Variants in KAT2B observed in about 807,000 individuals in gnomAD.
KAT2B encodes the protein histone acetyltransferase KAT2B.
Under a neutral mutation model 105.9 loss-of-function variants are expected in KAT2B, and 36 were observed. The observed-to-expected ratio is 0.34, with a 90% CI of 0.26 to 0.45. The LOEUF is 0.45. KAT2B is among the 20% of genes least tolerant of loss of function. The probability of loss-of-function intolerance (pLI) is 1.00; values close to 1 mark genes in which losing one functional copy is unlikely to be tolerated. For missense variants in KAT2B, 820 were observed against 1,021.6 expected, an observed-to-expected ratio of 0.80 and a Z score of 2.69; for synonymous variants, 397 against 377.9, an observed-to-expected ratio of 1.05 and a Z score of -0.59.
At position 20,136,999 on chromosome 3, in the gene KAT2B, C is replaced by T; in HGVS notation, c.1807C>T (p.Leu603=). The change falls in exon 12 of 18, where the codon CTG becomes TTG. Residue 603 remains leucine, a synonymous_variant. Transcript: ENST00000263754. ...LKEYHIKHDI[L]NFLTYADEYA... is the part of the protein sequence containing the mutation. ...AGAATATCACATAAAGCATGACATC[C>T]TGAACTTCCTCACATATGCAGATGA... is the stretch of plus-strand genomic sequence containing the variant. 1 of 1,611,334 alleles carries T rather than the reference C, an allele frequency of 6.2e-7. No homozygotes were observed. Among genetic ancestry groups the T allele is most frequent in the Admixed American group, 1.7e-5 (1 of 60,020 alleles).
chr3:20,145,317 G>A (rs1699765425), intron 13 of KAT2B, among the ~76,000 whole-genome samples: 1 of 152,088 alleles, frequency 6.6e-6, no homozygotes, highest in African/African-American at 2.4e-5. Flanking sequence ...GGACAGCACT[G>A]ATCTAGATTT....
chr3:20,107,007 ATATATATATT>A (rs1699027989), intron 5 of KAT2B, among the ~76,000 whole-genome samples: 1 of 25,228 alleles, frequency 4.0e-5, no homozygotes, highest in African/African-American at 1.8e-4. Context: ...ATATATATAT[ATATATATATT>A]TTTTTTTTTT....
intron 2 of KAT2B, among the ~76,000 whole-genome samples, chr3:20,083,933 G>A (rs556808359): frequency 6.6e-6 from 1 of 152,290 alleles, no homozygotes; most frequent in East Asian, 1.9e-4. Context: ...GGATAGGGAG[G>A]ATGGAAGGTG....
chr3:20,123,003 A>G (rs865980831), intron 9 of KAT2B, 199 bp downstream of exon 9: 2 of 941,328 alleles, frequency 2.1e-6, no homozygotes, highest in African/African-American at 1.8e-5. Context: ...ATCACATCAC[A>G]GGTCCACTTA....
Position 20,117,013 on chromosome 3 carries a change from C to T in KAT2B, c.1150+2025C>T, listed in dbSNP as rs149776064. On this transcript the variant is annotated intron_variant, in intron 7 of 17. Transcript: ENST00000263754. The stretch of plus-strand genomic sequence containing the variant: ...ATGAGTGAAGAACAGTTTCCTCCCT[C>T]AGGCAGTGGGGGACCAAAGTTATTC... Among the ~76,000 whole-genome samples the T allele has an allele frequency of 2.6e-3, 389 of 152,252 alleles. 1 individual carries two copies. Among genetic ancestry groups the T allele is most frequent in the Non-Finnish European group, 4.7e-3 (320 of 68,014 alleles).
intron 10 of KAT2B, among the ~76,000 whole-genome samples, chr3:20,127,081 TG>T (rs1460642932): frequency 1.3e-5 from 2 of 152,220 alleles, no homozygotes; most frequent in African/African-American, 2.4e-5. Context: ...ATACCATGTT[TG>T]TCCATGACTT....
chr3:20,148,194 T>G (rs1380969960), intron 15 of KAT2B, 49 bp from the exon 16 acceptor site: 1 of 1,512,506 alleles, frequency 6.6e-7, no homozygotes, highest in African/African-American at 1.4e-5. Flanking sequence ...CAGCTGGCAA[T>G]AGGGTAAAAC....
chr3:20,148,991 G>T (rs184677756), intron 17 of KAT2B: 1 of 155,544 alleles, frequency 6.4e-6, no homozygotes, highest in African/African-American at 2.4e-5. Context: ...CCCTTGATGG[G>T]TACTGTTAAT....
chr3:20,092,658 C>G (rs1174625071), intron 2 of KAT2B, among the ~76,000 whole-genome samples: 1 of 151,686 alleles, frequency 6.6e-6, no homozygotes, highest in Non-Finnish European at 1.5e-5. Flanking sequence ...GAATTGATCC[C>G]TTTATCATTA....
intron 5 of KAT2B, among the ~76,000 whole-genome samples, chr3:20,105,536 G>A (rs906016183): frequency 2.6e-5 from 4 of 152,110 alleles, no homozygotes; most frequent in African/African-American, 7.2e-5. Context: ...AGCAACTTTG[G>A]GAGGCTGAGG....
At chr3:20,049,300 A>G (rs1170110616) in intron 1 of KAT2B, among the ~76,000 whole-genome samples, 1 of 152,200 alleles carries the variant, frequency 6.6e-6, no homozygotes, top group Non-Finnish European at 1.5e-5. Context: ...ACAAATGTCT[A>G]TTTAATTTTA....
intron 1 of KAT2B, among the ~76,000 whole-genome samples, chr3:20,048,064 G>C (rs919921541): frequency 7.2e-5 from 11 of 152,166 alleles, no homozygotes; most frequent in Non-Finnish European, 1.5e-4. Flanking sequence ...TGGATAAGAT[G>C]TTGTTTTAAA....
intron 1 of KAT2B, among the ~76,000 whole-genome samples, chr3:20,044,730 CCCATTAG>C (rs1697777853): frequency 6.6e-6 from 1 of 152,210 alleles, no homozygotes; most frequent in Non-Finnish European, 1.5e-5. Flanking sequence ...GAGCAGCCTT[CCCATTAG>C]AAATTATCCA....
intron 9 of KAT2B, among the ~76,000 whole-genome samples, chr3:20,124,601 G>T (rs140709878): frequency 2.8e-4 from 43 of 152,316 alleles, no homozygotes; most frequent in African/African-American, 8.9e-4. Context: ...TTGCATTTCA[G>T]CATGAGATTT....
intron 9 of KAT2B, 172 bp downstream of exon 9, chr3:20,122,976 A>T (rs1173786401): frequency 2.0e-6 from 2 of 983,170 alleles, no homozygotes; most frequent in Non-Finnish European, 2.4e-6. Context: ...ATCAAGAGGT[A>T]ATTCCCCTTG....
At chr3:20,080,345 C>T (rs1053031171) in intron 2 of KAT2B, among the ~76,000 whole-genome samples, 2 of 152,186 alleles carry the variant, frequency 1.3e-5, no homozygotes, top group Non-Finnish European at 2.9e-5. Context: ...TCTGGAAGCT[C>T]ACACCACCTT....
At chr3:20,043,344 A>G (rs1697752389) in intron 1 of KAT2B, among the ~76,000 whole-genome samples, 1 of 152,190 alleles carries the variant, frequency 6.6e-6, no homozygotes. Context: ...TGTGTGCACA[A>G]GTGCATGTGT....
intron 1 of KAT2B, among the ~76,000 whole-genome samples, chr3:20,049,786 A>G (rs1441348409): frequency 6.6e-6 from 1 of 152,312 alleles, no homozygotes; most frequent in East Asian, 1.9e-4. Flanking sequence ...TTGACAATCA[A>G]GACTGGTCAC....
At chr3:20,079,577 A>T (rs1698483989) in intron 2 of KAT2B, among the ~76,000 whole-genome samples, 1 of 152,220 alleles carries the variant, frequency 6.6e-6, no homozygotes, top group African/African-American at 2.4e-5. Flanking sequence ...CTTCTTGAGT[A>T]TTATGAAGAA....
Sources: gnomAD v4.1 joint callset for allele counts (sites outside exome capture counted in the v4.1 genomes callset) on GRCh38, gnomAD v4.1.1 for gene constraint, MANE v1.5 for transcripts, NCBI Gene and HGNC (gene_info 2026-07-23, HGNC 2026-07-21) for gene names.